Variants in RNF166 observed in about 807,000 individuals in gnomAD.
The protein encoded by RNF166 is ring finger protein 166.
A neutral mutation model predicts 29.4 loss-of-function variants in RNF166; 19 were observed. The ratio of observed to expected loss-of-function variants is 0.65; its 90% CI spans 0.45 to 0.95. RNF166 has a LOEUF of 0.95. Ranked by LOEUF, RNF166 falls within the 40% of genes least tolerant of loss-of-function variation. The probability of loss-of-function intolerance (pLI) is 0.00; values close to 1 mark genes in which losing one functional copy is unlikely to be tolerated. For missense variants in RNF166, 347 were observed against 322.1 expected, an observed-to-expected ratio of 1.08 and a Z score of -0.59; for synonymous variants, 171 against 134.5, an observed-to-expected ratio of 1.27 and a Z score of -1.88.
chr16:88,702,183 T>C (rs1398329974), intron 1 of RNF166, among the ~76,000 whole-genome samples: 1 of 49,620 alleles, frequency 2.0e-5, no homozygotes, highest in Non-Finnish European at 4.8e-5. Context: ...ACACAGCCCT[T>C]GGAGGGGTGC....
In RNF166 at chr16:88,703,867, A is replaced by AGGCC. The variant is rs1453011229; in HGVS notation, c.155+2300_155+2303dup. 4.1e-6 allele frequency: 4 copies of AGGCC among 985,356 alleles called. No homozygotes were observed. The African/African-American group carries it at 5.2e-5, about 13-fold the overall frequency. The allele number at this position is 985,356 out of a possible 1,614,324, so 61.0% of individuals were successfully genotyped here. Reference sequence around the variant, plus strand: ...TGCCTCAGGGATCTGCCTGGCTGGCAGGCCAGCACCCTCAGCAAGCCCCAC... The same window carrying AGGCC: ...TGCCTCAGGGATCTGCCTGGCTGGCAGGCCGGCCAGCACCCTCAGCAAGCCCCAC... On this transcript the variant is annotated intron_variant, in intron 1 of 5. Transcript: ENST00000312838.
At chr16:88,699,769 G>C (rs1236693317) in intron 2 of RNF166, 37 bp from the exon 3 acceptor site, 2 of 1,525,496 alleles carry the variant, frequency 1.3e-6, no homozygotes, top group Non-Finnish European at 1.8e-6. Context: ...GCGGTCCTGA[G>C]AATCTGGAAG....
At chr16:88,702,459 C>T (rs937768780) in intron 1 of RNF166, among the ~76,000 whole-genome samples, 1 of 152,202 alleles carries the variant, frequency 6.6e-6, no homozygotes, top group Non-Finnish European at 1.5e-5. Context: ...GCCCTGGGTT[C>T]ACAAACGACT....
At chr16:88,703,132 C>CA (rs1910430290) in intron 1 of RNF166, 17 of 985,556 alleles carry the variant, frequency 1.7e-5, no homozygotes, top group Non-Finnish European at 2.0e-5. Context: ...GGGGTCCACT[C>CA]ACGCTCAACG....
At chr16:88,703,729 C>T in intron 1 of RNF166, 1 of 985,510 alleles carries the variant, frequency 1.0e-6, no homozygotes, top group Non-Finnish European at 1.2e-6. Context: ...GGGGCGTCGA[C>T]AGCCTTACAA....
rs570296991 is a variant in RNF166 at position 88,699,748 on chromosome 16, G to C, written c.313-16C>G. On this transcript the variant is annotated splice_polypyrimidine_tract_variant and intron_variant, in intron 2 of 5. Transcript: ENST00000312838. Reference sequence around the variant, plus strand: ...CCAGGGTCACCTAGGAGACAGGGCAGGGAGGGCAAGGCGGTCCTGAGAATC... The same window carrying C: ...CCAGGGTCACCTAGGAGACAGGGCACGGAGGGCAAGGCGGTCCTGAGAATC... 1 of 1,598,908 alleles carries C rather than the reference G, an allele frequency of 6.3e-7. No homozygotes were observed. The highest frequency in any genetic ancestry group is 1.3e-5 in the African/African-American group (1 of 74,648).
intron 2 of RNF166, chr16:88,700,909 C>G (rs1048074534): frequency 1.2e-5 from 14 of 1,156,182 alleles, no homozygotes; most frequent in Non-Finnish European, 8.6e-6. Context: ...GAGCCCCCAG[C>G]GCCGTCCCCG....
At chr16:88,702,869 C>T (rs1910395467) in intron 1 of RNF166, 2 of 985,384 alleles carry the variant, frequency 2.0e-6, no homozygotes, top group South Asian at 9.4e-5. Context: ...CCTACTTCAC[C>T]CGTTCACGGG....
Position 88,706,200 on chromosome 16 carries a change from C to T in RNF166, c.126G>A (p.Arg42=), listed in dbSNP as rs1910784011. The change falls in exon 1 of 6, where the codon CGG becomes CGA. Residue 42 remains arginine (R), a synonymous_variant. Transcript: ENST00000312838. The part of the protein sequence containing the change: ...TCPICLEVYH[R]PVAIGSCGHT... ...GGCCGCAGCTGCCGATGGCCACGGGCCGGTGATAGACCTCCAGGCAGATGG... is the reference window on the plus strand; with the variant it reads ...GGCCGCAGCTGCCGATGGCCACGGGTCGGTGATAGACCTCCAGGCAGATGG... 2.3e-6 allele frequency: 3 copies of T among 1,306,280 alleles called. No individual in the cohort carries two copies. In the South Asian group the frequency reaches 5.5e-5, roughly 24 times the overall value. 80.9% of individuals were successfully genotyped at this position (1,306,280 alleles called of 1,614,324 possible).
chr16:88,704,274 A>G lies in RNF166; in HGVS notation c.155+1897T>C, dbSNP rs964820931. 2.4e-5 allele frequency: 24 copies of G among 985,386 alleles called. No homozygotes were observed. In the African/African-American group the frequency reaches 3.3e-4, roughly 14 times the overall value. 61.0% of individuals were successfully genotyped at this position (985,386 alleles called of 1,614,324 possible). A position where few individuals can be genotyped will look rare whatever the true frequency, so the allele number is the denominator to read the frequency against. Reference sequence around the variant, plus strand: ...ACAAGAAACAAAGTTAGAAGCAGAGAGAGAACAGCCAGAAAACAAAAGCCA... The same window carrying G: ...ACAAGAAACAAAGTTAGAAGCAGAGGGAGAACAGCCAGAAAACAAAAGCCA... On this transcript the variant is annotated intron_variant, in intron 1 of 5. Coordinates refer to ENST00000312838, the MANE Select transcript of RNF166 (RefSeq NM_178841.4).
chr16:88,704,387 T>C (rs1232191427), intron 1 of RNF166: 2 of 985,230 alleles, frequency 2.0e-6, no homozygotes, highest in African/African-American at 1.7e-5. Flanking sequence ...AGGATGGTCG[T>C]CATTCTACCA....
chr16:88,703,296 A>C (rs2879901), intron 1 of RNF166: 221 of 984,882 alleles, frequency 2.2e-4, no homozygotes, highest in Non-Finnish European at 2.6e-4. Flanking sequence ...TGGATGGTGC[A>C]CCTCCTGAGT....
In RNF166 at chr16:88,704,296, G is replaced by A. The variant is rs1348957296; in HGVS notation, c.155+1875C>T. 8.1e-6 allele frequency: 8 copies of A among 985,344 alleles called. No individual in the cohort carries two copies. The East Asian group carries it at 3.4e-4, about 42-fold the overall frequency. 61.0% of individuals were successfully genotyped at this position (985,344 alleles called of 1,614,324 possible). On this transcript the variant is annotated intron_variant, in intron 1 of 5. Coordinates refer to ENST00000312838, the MANE Select transcript of RNF166 (RefSeq NM_178841.4). ...GAGAGAGAACAGCCAGAAAACAAAA[G>A]CCAGCAGGAAAAGTCGGGGAGAAAA...
chr16:88,702,152 A>AG (rs1910305224), intron 1 of RNF166, among the ~76,000 whole-genome samples: 1 of 4,570 alleles, frequency 2.2e-4, no homozygotes, highest in Non-Finnish European at 7.3e-4. Context: ...GGGCTCGCAC[A>AG]CCCTCCCGCT....
intron 2 of RNF166, among the ~76,000 whole-genome samples, chr16:88,700,352 G>T (rs1910090416): frequency 6.6e-6 from 1 of 152,148 alleles, no homozygotes; most frequent in African/African-American, 2.4e-5. Context: ...GTGGGATACG[G>T]GAGGCCGCTC....
intron 1 of RNF166, 186 bp from the exon 2 acceptor site, chr16:88,701,604 C>G: frequency 1.7e-6 from 1 of 596,598 alleles, no homozygotes; most frequent in Non-Finnish European, 2.8e-6. Context: ...TGGGCCCCAT[C>G]TGGCTAAAGG....
intron 5 of RNF166, chr16:88,697,940 C>T: frequency 6.3e-6 from 3 of 479,028 alleles, no homozygotes; most frequent in Non-Finnish European, 1.1e-5. Flanking sequence ...TGACCTCTAA[C>T]AATTTCCATC....
At chr16:88,701,186 A>T in intron 2 of RNF166, 76 bp downstream of exon 2, 1 of 1,565,354 alleles carries the variant, frequency 6.4e-7, no homozygotes. Context: ...CCCGGCCCCC[A>T]CCCTCTGCAG....
intron 2 of RNF166, chr16:88,700,202 T>C (rs1910074586): frequency 1.3e-5 from 2 of 153,220 alleles, no homozygotes; most frequent in African/African-American, 4.8e-5. Context: ...AGATCGCAGG[T>C]GTCTGAGGCC....
Sources: allele counts gnomAD v4.1 joint callset (sites outside exome capture counted in the v4.1 genomes callset), GRCh38; gene constraint gnomAD v4.1.1; transcripts MANE v1.5; gene names NCBI Gene and HGNC (gene_info 2026-07-23, HGNC 2026-07-21).